The following GRIK4 variants were observed in gnomAD, a reference collection of about 807,000 sequenced individuals.
GRIK4 encodes the protein glutamate ionotropic receptor kainate type subunit 4, also known as glutamate receptor ionotropic, kainate 4.
Under a neutral mutation model 104.9 loss-of-function variants are expected in GRIK4, and 40 were observed. The ratio of observed to expected loss-of-function variants is 0.38; its 90% CI spans 0.30 to 0.50. The LOEUF (loss-of-function observed/expected upper bound fraction) is 0.50. Among genes scored for constraint, GRIK4 ranks in the 20% least tolerant of loss-of-function variants. The pLI, the probability that GRIK4 is intolerant of heterozygous loss-of-function variation, is 0.93. For missense variants in GRIK4, 1,047 were observed against 1,308.1 expected, an observed-to-expected ratio of 0.80 and a Z score of 3.08; for synonymous variants, 485 against 524.9, an observed-to-expected ratio of 0.92 and a Z score of 1.04.
chr11:120,707,520 A>G (rs542980075), intron 3 of GRIK4, among the ~76,000 whole-genome samples: 54 of 152,234 alleles, frequency 3.5e-4, no homozygotes, highest in Non-Finnish European at 6.9e-4. Context: ...GGAGTAATCA[A>G]GAGGCTGGAC....
chr11:120,726,985 A>C (rs74695567), intron 3 of GRIK4, among the ~76,000 whole-genome samples: 2,483 of 152,346 alleles, frequency 0.016, 58 homozygotes, highest in African/African-American at 0.056. Context: ...TTAACAAATA[A>C]AAGACTTCTC....
rs1363076541 is a variant in GRIK4, at chr11:120,524,531, C to T, written c.-159+12644C>T. 2.0e-5 allele frequency among the ~76,000 whole-genome samples: 3 copies of T among 152,330 alleles called. No homozygotes were observed. The highest frequency in any genetic ancestry group is 6.5e-5 in the Admixed American group (1 of 15,300). On this transcript the variant is annotated intron_variant, in intron 1 of 20. Coordinates refer to ENST00000527524, the MANE Select transcript of GRIK4 (RefSeq NM_014619.5). The surrounding 1 kb of genome is among the most constrained non-coding windows in gnomAD (Gnocchi z 4.5). ...GTACAAAGAGTAACACCAGGCCTAC[C>T]TGGACCTTGGCTCCAGGCACTTTAC...
chr11:120,689,562 C>G (rs577252302), intron 3 of GRIK4, among the ~76,000 whole-genome samples: 1 of 152,122 alleles, frequency 6.6e-6, no homozygotes, highest in African/African-American at 2.4e-5. Context: ...ACAACCAGCA[C>G]TTTCTTTGTC....
chr11:120,732,577 C>T (rs1372542051), intron 3 of GRIK4, among the ~76,000 whole-genome samples: 6 of 151,978 alleles, frequency 3.9e-5, no homozygotes, highest in African/African-American at 1.2e-4. Context: ...TTTCCATTAT[C>T]GTTTGTTTAA....
At chr11:120,727,164 T>G (rs1156834933) in intron 3 of GRIK4, among the ~76,000 whole-genome samples, 1 of 152,142 alleles carries the variant, frequency 6.6e-6, no homozygotes, top group African/African-American at 2.4e-5. Flanking sequence ...AGTAGGTATG[T>G]GCAACAAGTC....
At chr11:120,561,014 G>A (rs1447308600) in intron 1 of GRIK4, among the ~76,000 whole-genome samples, 1 of 152,230 alleles carries the variant, frequency 6.6e-6, no homozygotes, top group Non-Finnish European at 1.5e-5. Flanking sequence ...TAGGGCTGGA[G>A]ATTTCCACAG....
rs557558757 is a variant in GRIK4 at position 120,596,817 on chromosome 11, T to C, written c.-158-56868T>C. Among the ~76,000 whole-genome samples the C allele has an allele frequency of 2.0e-5, 3 of 152,092 alleles. No homozygotes were observed. In the East Asian group the frequency reaches 5.8e-4, roughly 29 times the overall value. ...TTGGCTCACTGCAACCTCCGCCTCC[T>C]GGGTTCAAGTGATTCTCCTGCCTCA... On this transcript the variant is annotated intron_variant, in intron 1 of 20. Transcript: ENST00000527524.
chr11:120,613,496 C>T (rs1452475903), intron 1 of GRIK4, among the ~76,000 whole-genome samples: 3 of 152,162 alleles, frequency 2.0e-5, no homozygotes, highest in African/African-American at 7.2e-5. Flanking sequence ...TTGTACAAGG[C>T]AAATAGCACT....
At chr11:120,889,589 ATTTTTT>A (rs369264259) in intron 11 of GRIK4, among the ~76,000 whole-genome samples, 814 of 62,454 alleles carry the variant, frequency 0.013, 13 homozygotes, top group African/African-American at 0.046. Flanking sequence ...AAGAGCTTAC[ATTTTTT>A]TTTTTTTTTT....
At chr11:120,637,954 A>G (rs951345102) in intron 1 of GRIK4, among the ~76,000 whole-genome samples, 2 of 152,056 alleles carry the variant, frequency 1.3e-5, no homozygotes, top group African/African-American at 2.4e-5. Context: ...ATCTCGGCTC[A>G]CTAAAACCTC....
At chr11:120,526,780 C>T (rs1207168586) in intron 1 of GRIK4, among the ~76,000 whole-genome samples, 1 of 152,010 alleles carries the variant, frequency 6.6e-6, no homozygotes, top group East Asian at 1.9e-4. Context: ...TGCAGTGAGC[C>T]AGAGGTTGCA....
chr11:120,880,153 C>T (rs1218698763), intron 11 of GRIK4, among the ~76,000 whole-genome samples: 1 of 152,184 alleles, frequency 6.6e-6, no homozygotes, highest in African/African-American at 2.4e-5. Flanking sequence ...AGTTTCATTT[C>T]TCTGAGCAAT....
At chr11:120,836,934 A>G in intron 8 of GRIK4, 90 bp downstream of exon 8, 2 of 870,304 alleles carry the variant, frequency 2.3e-6, no homozygotes, top group Admixed American at 3.6e-5. Flanking sequence ...CCAGGGGATG[A>G]CGAGTACAGG....
chr11:120,573,820 A>G (rs1317643878), intron 1 of GRIK4, among the ~76,000 whole-genome samples: 2 of 152,150 alleles, frequency 1.3e-5, no homozygotes, highest in Non-Finnish European at 2.9e-5. Context: ...CAGCCCTTCT[A>G]TCTGGAGGTG....
intron 3 of GRIK4, among the ~76,000 whole-genome samples, chr11:120,774,248 G>T (rs964243689): frequency 1.3e-5 from 2 of 152,174 alleles, no homozygotes; most frequent in East Asian, 1.9e-4. Context: ...AGGAGTTTGC[G>T]AAAGGGAGTG....
chr11:120,752,731 C>G (rs1307323742), intron 3 of GRIK4, among the ~76,000 whole-genome samples: 1 of 152,216 alleles, frequency 6.6e-6, no homozygotes, highest in Non-Finnish European at 1.5e-5. Context: ...TCTCCTGCCC[C>G]CCAGCCCAAA....
chr11:120,978,147 G>A (rs1944591944), intron 19 of GRIK4, among the ~76,000 whole-genome samples: 1 of 152,064 alleles, frequency 6.6e-6, no homozygotes, highest in South Asian at 2.1e-4. Context: ...AGCTATAATG[G>A]GCCAGGTACC....
At chr11:120,845,792 T>A (rs1591984256) in intron 8 of GRIK4, among the ~76,000 whole-genome samples, 2 of 152,220 alleles carry the variant, frequency 1.3e-5, no homozygotes, top group East Asian at 1.9e-4. Flanking sequence ...TCAGCTTTAT[T>A]GAGCCTTTTA....
intron 3 of GRIK4, among the ~76,000 whole-genome samples, chr11:120,731,098 A>G (rs3132776): frequency 0.46 from 69,398 of 151,806 alleles, 16,630 homozygotes; most frequent in South Asian, 0.54. Context: ...TTCCAGTACT[A>G]TGTTGAATAA....
Sources: allele counts gnomAD v4.1 joint callset (sites outside exome capture counted in the v4.1 genomes callset), GRCh38; gene constraint gnomAD v4.1.1; non-coding constraint Gnocchi (gnomAD v3.1); transcripts MANE v1.5; gene names NCBI Gene and HGNC (gene_info 2026-07-23, HGNC 2026-07-21).